The following GTF2A2 variants were observed in gnomAD, a reference collection of about 807,000 sequenced individuals.
The protein encoded by GTF2A2 is general transcription factor IIA subunit 2.
A neutral mutation model predicts 14.3 loss-of-function variants in GTF2A2; 9 were observed. The observed-to-expected ratio is 0.63, with a 90% confidence interval of 0.38 to 1.10. The LOEUF (loss-of-function observed/expected upper bound fraction) is 1.10, where lower values mean the gene tolerates loss of function less well. Among genes scored for constraint, GTF2A2 ranks in the 50% least tolerant of loss-of-function variants. The probability of loss-of-function intolerance (pLI) is 0.01; values close to 1 mark genes in which losing one functional copy is unlikely to be tolerated. For missense variants in GTF2A2, 90 were observed against 124.6 expected, an observed-to-expected ratio of 0.72 and a Z score of 1.32; for synonymous variants, 56 against 46.0, an observed-to-expected ratio of 1.22 and a Z score of -0.88.
chr15:59,640,543 C>G (rs2141955086), intron 4 of GTF2A2, among the ~76,000 whole-genome samples: 1 of 152,260 alleles, frequency 6.6e-6, no homozygotes, highest in Admixed American at 6.5e-5. Flanking sequence ...TTAAGTTCCT[C>G]AGCTGCCCAT....
intron 1 of GTF2A2, 114 bp downstream of exon 1, chr15:59,657,292 C>G (rs1207424825): frequency 6.6e-6 from 1 of 152,314 alleles, no homozygotes; most frequent in Non-Finnish European, 1.5e-5. Flanking sequence ...ACGGGCAGAT[C>G]CCAGGAGCGA....
At chr15:59,648,470 C>T (rs1345769152) in intron 3 of GTF2A2, among the ~76,000 whole-genome samples, 1 of 48,460 alleles carries the variant, frequency 2.1e-5, no homozygotes, top group Non-Finnish European at 4.2e-5. Context: ...CTACTTCAAT[C>T]TGAATTTTCT....
At position 59,657,511 on chromosome 15, in the gene GTF2A2, G is replaced by A. The variant is rs1228878532; in HGVS notation, c.-155C>T. On this transcript the variant is annotated 5_prime_UTR_variant, in exon 1 of 5. Transcript: ENST00000396060. ...CTCTCCAGCCGCCGCAGAAACCGCA[G>A]AACTGAGCTGACGACCCGGAAGTGC... 9 of 152,510 alleles carry A rather than the reference G, an allele frequency of 5.9e-5. No individual in the cohort carries two copies. Among genetic ancestry groups the A allele is most frequent in the African/African-American group, 2.2e-4 (9 of 41,594 alleles). 9.4% of individuals were successfully genotyped at this position (152,510 alleles called of 1,614,324 possible).
At chr15:59,640,733 G>A (rs116889653) in intron 4 of GTF2A2, among the ~76,000 whole-genome samples, 1 of 152,094 alleles carries the variant, frequency 6.6e-6, no homozygotes, top group Non-Finnish European at 1.5e-5. Context: ...TATAACAAGG[G>A]TTACGAGGAT....
chr15:59,655,366 T>C (rs1439767837), intron 1 of GTF2A2, among the ~76,000 whole-genome samples: 3 of 152,234 alleles, frequency 2.0e-5, no homozygotes, highest in Non-Finnish European at 4.4e-5. Flanking sequence ...TTTTTGCCTC[T>C]AGCACTCTAA....
At chr15:59,645,732 T>A (rs1427692525) in intron 3 of GTF2A2, among the ~76,000 whole-genome samples, 1 of 152,102 alleles carries the variant, frequency 6.6e-6, no homozygotes, top group African/African-American at 2.4e-5. Flanking sequence ...TAATCCACGA[T>A]CTTAAGAGTG....
chr15:59,650,919 G>A (rs1891771156), intron 2 of GTF2A2, 146 bp from the exon 3 acceptor site: 2 of 568,806 alleles, frequency 3.5e-6, no homozygotes, highest in East Asian at 2.9e-5. Context: ...TGCCATAACT[G>A]ATGATGAAGC....
At chr15:59,640,614 G>A (rs909902316) in intron 4 of GTF2A2, among the ~76,000 whole-genome samples, 1 of 152,054 alleles carries the variant, frequency 6.6e-6, no homozygotes, top group South Asian at 2.1e-4. Context: ...GAACATGTCC[G>A]TGCTAAAAAA....
chr15:59,644,380 T>C (rs574684243), intron 3 of GTF2A2: 13 of 152,260 alleles, frequency 8.5e-5, no homozygotes, highest in Admixed American at 2.6e-4. Flanking sequence ...ATTATTGTAA[T>C]AGCAAAAATG....
At chr15:59,653,382 A>C (rs1433135443) in intron 1 of GTF2A2, among the ~76,000 whole-genome samples, 1 of 152,218 alleles carries the variant, frequency 6.6e-6, no homozygotes, top group Non-Finnish European at 1.5e-5. Flanking sequence ...CAGCAAAAAT[A>C]ATGGCCAGCC....
intron 2 of GTF2A2, 73 bp from the exon 3 acceptor site, chr15:59,650,846 T>C: frequency 1.2e-6 from 1 of 817,866 alleles, no homozygotes; most frequent in Non-Finnish European, 2.0e-6. Flanking sequence ...AATATACAAA[T>C]TATCATCTAA....
intron 4 of GTF2A2, among the ~76,000 whole-genome samples, chr15:59,641,389 T>C (rs1891421620): frequency 6.6e-6 from 1 of 152,138 alleles, no homozygotes; most frequent in Non-Finnish European, 1.5e-5. Context: ...ATGCAAAATA[T>C]ATAAAACAAA....
chr15:59,639,260 A>AGTG (rs1891301719), intron 4 of GTF2A2, 103 bp from the exon 5 acceptor site: 1 of 753,140 alleles, frequency 1.3e-6, no homozygotes, highest in Non-Finnish European at 2.4e-6. Flanking sequence ...CAGGACTAAT[A>AGTG]GTGGTGGTGG....
At chr15:59,655,467 C>G (rs1312166521) in intron 1 of GTF2A2, among the ~76,000 whole-genome samples, 2 of 152,218 alleles carry the variant, frequency 1.3e-5, no homozygotes, top group African/African-American at 4.8e-5. Flanking sequence ...TTACTCCCTC[C>G]TCTTTCGTAC....
chr15:59,645,527 G>A (rs1891575231), intron 3 of GTF2A2, among the ~76,000 whole-genome samples: 1 of 152,124 alleles, frequency 6.6e-6, no homozygotes, highest in African/African-American at 2.4e-5. Flanking sequence ...AAGTAACTCG[G>A]CAACAGCAAT....
intron 4 of GTF2A2, among the ~76,000 whole-genome samples, chr15:59,641,256 C>T (rs1424909538): frequency 6.7e-6 from 1 of 149,118 alleles, no homozygotes; most frequent in African/African-American, 2.5e-5. Flanking sequence ...CATATACATA[C>T]ATTTTTGCAA....
At chr15:59,647,448 G>C (rs186193534) in intron 3 of GTF2A2, among the ~76,000 whole-genome samples, 1 of 152,044 alleles carries the variant, frequency 6.6e-6, no homozygotes, top group East Asian at 1.9e-4. Flanking sequence ...AATTCAAAAA[G>C]TTTCTTCTAT....
rs1891287157 is a variant in GTF2A2 at position 59,639,051 on chromosome 15, TAAATA to T, written c.*76_*80del. The stretch of plus-strand genomic sequence containing the variant: ...TGTAGTCATTTCTGCAATTCTAGAA[TAAATA>T]AAAAGTCTCTTCTATGCTTCTCTTC... On this transcript the variant is annotated 3_prime_UTR_variant, in exon 5 of 5. Coordinates refer to ENST00000396060, the MANE Select transcript of GTF2A2 (RefSeq NM_004492.3). The T allele has an allele frequency of 1.2e-6, 1 of 838,134 alleles. No homozygotes were observed. The highest frequency in any genetic ancestry group is 2.1e-6 in the Non-Finnish European group (1 of 486,496). 51.9% of individuals were successfully genotyped at this position (838,134 alleles called of 1,614,324 possible).
At chr15:59,649,130 C>T (rs1375617902) in intron 3 of GTF2A2, among the ~76,000 whole-genome samples, 2 of 152,068 alleles carry the variant, frequency 1.3e-5, no homozygotes, top group East Asian at 1.9e-4. Context: ...TTGTCTTGGC[C>T]ATATGCTACA....
Sources: allele counts gnomAD v4.1 joint callset (sites outside exome capture counted in the v4.1 genomes callset), GRCh38; gene constraint gnomAD v4.1.1; transcripts MANE v1.5; gene names NCBI Gene and HGNC (gene_info 2026-07-23, HGNC 2026-07-21).